The following COL24A1 variants were observed in gnomAD, a reference collection of about 807,000 sequenced individuals.
COL24A1 encodes collagen alpha-1(XXIV) chain.
Under a neutral mutation model 253.9 loss-of-function variants are expected in COL24A1, and 224 were observed. That is an observed-to-expected ratio of 0.88 (90% CI 0.79 to 0.99). The LOEUF (loss-of-function observed/expected upper bound fraction) is 0.99, where lower values mean the gene tolerates loss of function less well. Ranked by LOEUF, COL24A1 falls within the 50% of genes least tolerant of loss-of-function variation. The pLI is 0.00. For missense variants in COL24A1, 2,131 were observed against 2,068.5 expected, an observed-to-expected ratio of 1.03 and a Z score of -0.59; for synonymous variants, 685 against 673.7, an observed-to-expected ratio of 1.02 and a Z score of -0.26.
chr1:86,046,971 A>T, intron 11 of COL24A1, 102 bp from the exon 12 acceptor site: 5 of 768,720 alleles, frequency 6.5e-6, no homozygotes, highest in Non-Finnish European at 9.2e-6. Context: ...GAAAAAGACA[A>T]AAACAAATTG....
At chr1:85,733,919 T>TC (rs1663776645) in intron 59 of COL24A1, among the ~76,000 whole-genome samples, 1 of 150,734 alleles carries the variant, frequency 6.6e-6, no homozygotes, top group African/African-American at 2.4e-5. Context: ...TTTTTTTTTT[T>TC]TGAGACAGAG....
chr1:86,016,566 T>C (rs985384898), intron 19 of COL24A1, among the ~76,000 whole-genome samples: 60 of 152,192 alleles, frequency 3.9e-4, no homozygotes, highest in African/African-American at 1.4e-3. Flanking sequence ...AGAAGTTTCA[T>C]CTCCATGTAG....
chr1:86,019,394 A>AT (rs60247166), intron 18 of COL24A1, among the ~76,000 whole-genome samples: 61 of 147,864 alleles, frequency 4.1e-4, no homozygotes, highest in South Asian at 8.6e-4. Flanking sequence ...GGTTTCTACA[A>AT]TTTTTTTTTT....
rs563125017 is a variant in COL24A1 at position 85,964,823 on chromosome 1, T to C, written c.2517+186A>G. ...GGTCCCATGCATTTCAGATAGGGGA[T>C]ACTCAACCTGCATATAAATAGATAC... On this transcript the variant is annotated intron_variant, in intron 23 of 59. Transcript: ENST00000370571. Among the ~76,000 whole-genome samples, 5 of 152,254 alleles carry C rather than the reference T, an allele frequency of 3.3e-5. 1 individual carries two copies. The South Asian group carries it at 8.3e-4, about 25-fold the overall frequency.
intron 19 of COL24A1, among the ~76,000 whole-genome samples, chr1:86,000,156 T>C (rs17405097): frequency 0.26 from 39,934 of 152,070 alleles, 6,536 homozygotes; most frequent in Non-Finnish European, 0.35. Context: ...TCAAGGTCCA[T>C]CATTTCTGTA....
intron 20 of COL24A1, among the ~76,000 whole-genome samples, chr1:85,973,860 T>G (rs1388397401): frequency 2.0e-5 from 3 of 152,274 alleles, no homozygotes; most frequent in African/African-American, 7.2e-5. Context: ...AAAAAAAATC[T>G]AGTTATATGC....
At chr1:85,766,387 A>C (rs1247604424) in intron 53 of COL24A1, among the ~76,000 whole-genome samples, 2 of 59,158 alleles carry the variant, frequency 3.4e-5, no homozygotes, top group African/African-American at 1.0e-4. Context: ...AAAAAAAAAA[A>C]AAAGAAAGAA....
At chr1:86,043,777 C>T (rs1432587608) in intron 12 of COL24A1, among the ~76,000 whole-genome samples, 6 of 152,242 alleles carry the variant, frequency 3.9e-5, no homozygotes, top group East Asian at 1.9e-4. Context: ...CCGCCCGCCT[C>T]GGCCCCCCAA....
At chr1:85,813,002 T>C (rs1342001575) in intron 47 of COL24A1, among the ~76,000 whole-genome samples, 4 of 152,186 alleles carry the variant, frequency 2.6e-5, no homozygotes, top group Non-Finnish European at 2.9e-5. Flanking sequence ...ATTCTAGACA[T>C]AGATTTGCTA....
intron 53 of COL24A1, among the ~76,000 whole-genome samples, chr1:85,767,014 G>C (rs1667450619): frequency 6.6e-6 from 1 of 152,040 alleles, no homozygotes; most frequent in Non-Finnish European, 1.5e-5. Flanking sequence ...CGAGGCAGGA[G>C]AATCGCTTGA....
intron 1 of COL24A1, among the ~76,000 whole-genome samples, chr1:86,151,091 ATG>A (rs546227737): frequency 9.3e-5 from 14 of 150,774 alleles, no homozygotes; most frequent in East Asian, 1.9e-4. Context: ...GTTTGTATAT[ATG>A]TGTGTGTGTG....
intron 8 of COL24A1, 61 bp downstream of exon 8, chr1:86,063,654 G>C: frequency 8.3e-7 from 1 of 1,207,864 alleles, no homozygotes; most frequent in Non-Finnish European, 1.1e-6. Context: ...ATCTCTCAAA[G>C]GAGTTCTCTA....
intron 42 of COL24A1, among the ~76,000 whole-genome samples, chr1:85,839,610 G>A (rs1180657636): frequency 2.6e-5 from 4 of 151,912 alleles, no homozygotes; most frequent in African/African-American, 9.7e-5. Flanking sequence ...GGTGGCACGA[G>A]CCTGCAGTCC....
intron 28 of COL24A1, among the ~76,000 whole-genome samples, chr1:85,905,690 T>C (rs1019359721): frequency 6.6e-6 from 1 of 152,050 alleles, no homozygotes; most frequent in African/African-American, 2.4e-5. Flanking sequence ...TAGGAATTGA[T>C]GACAAAGTGA....
chr1:86,077,954 C>T (rs1419244249), intron 7 of COL24A1, among the ~76,000 whole-genome samples: 2 of 151,910 alleles, frequency 1.3e-5, no homozygotes. Flanking sequence ...GCACATTCTG[C>T]ACATGTATCA....
At chr1:86,089,268 C>A (rs748866390) in intron 6 of COL24A1, 41 bp from the exon 7 acceptor site, 27 of 1,479,008 alleles carry the variant, frequency 1.8e-5, no homozygotes, top group Non-Finnish European at 2.4e-5. Context: ...TGAAAGAGAA[C>A]TGAAAATTAG....
Position 85,781,289 on chromosome 1 carries a change from A to T in COL24A1, c.4285-16T>A. ...CAGTGTTTCCCTGTTGAGGTAAAAG[A>T]AAAACAGTCTCACTGTTAGTATAAT... On this transcript the variant is annotated splice_polypyrimidine_tract_variant and intron_variant, in intron 51 of 59. Coordinates refer to ENST00000370571, the MANE Select transcript of COL24A1 (RefSeq NM_152890.7). 1 of 1,586,610 alleles carries T rather than the reference A, an allele frequency of 6.3e-7. No individual in the cohort carries two copies. The highest frequency in any genetic ancestry group is 8.6e-7 in the Non-Finnish European group (1 of 1,166,366).
intron 55 of COL24A1, 55 bp from the exon 56 acceptor site, chr1:85,745,561 A>G: frequency 1.5e-6 from 2 of 1,294,640 alleles, no homozygotes; most frequent in Admixed American, 2.0e-5. Context: ...TGAGTGCCCT[A>G]AAGTAAAGGC....
At chr1:85,941,650 A>G (rs541526265) in intron 24 of COL24A1, among the ~76,000 whole-genome samples, 56 of 152,222 alleles carry the variant, frequency 3.7e-4, no homozygotes, top group African/African-American at 1.3e-3. Context: ...GAATCCTTTT[A>G]TTATTTCATA....
Sources: gnomAD v4.1 joint callset for allele counts (sites outside exome capture counted in the v4.1 genomes callset) on GRCh38, gnomAD v4.1.1 for gene constraint, MANE v1.5 for transcripts, NCBI Gene and HGNC (gene_info 2026-07-23, HGNC 2026-07-21) for gene names.